Variants in SPA17 observed in about 807,000 individuals in gnomAD.
SPA17 encodes sperm autoantigenic protein 17, also known as sperm surface protein Sp17.
SPA17 carries 7 observed loss-of-function variants against 13.8 expected under a neutral mutation model. That is an observed-to-expected ratio of 0.51 (90% confidence interval 0.29 to 0.95). SPA17 has a LOEUF of 0.95. SPA17 is among the 40% of genes least tolerant of loss of function. The pLI, the probability that SPA17 is intolerant of heterozygous loss-of-function variation, is 0.08. For synonymous variants in SPA17, 61 were observed against 59.0 expected, an observed-to-expected ratio of 1.03 and a Z score of -0.16; for missense variants, 170 against 179.3, an observed-to-expected ratio of 0.95 and a Z score of 0.30.
intron 2 of SPA17, among the ~76,000 whole-genome samples, chr11:124,676,467 TG>T (rs1259158998): frequency 6.6e-6 from 1 of 152,216 alleles, no homozygotes; most frequent in Non-Finnish European, 1.5e-5. Flanking sequence ...CATTTTATAG[TG>T]GAAGAAAACC....
intron 2 of SPA17, among the ~76,000 whole-genome samples, chr11:124,680,879 A>G (rs1345518700): frequency 6.6e-6 from 1 of 152,068 alleles, no homozygotes; most frequent in African/African-American, 2.4e-5. Context: ...CTACTTTTTA[A>G]GTATTGAAAT....
In SPA17 at chr11:124,696,405, A is replaced by G. The variant is rs1013626713; in HGVS notation, c.*1959A>G. 8 of 152,228 alleles carry G rather than the reference A, an allele frequency of 5.3e-5. No homozygotes were observed. Among genetic ancestry groups the G allele is most frequent in the East Asian group, 1.9e-4 (1 of 5,184 alleles). The allele number at this position is 152,228 out of a possible 1,614,324, so 9.4% of individuals were successfully genotyped here. On this transcript the variant is annotated 3_prime_UTR_variant, in exon 5 of 5. Transcript: ENST00000227135. ...TTCCCTAGTGAGTATATAGCAGGAA[A>G]AAAAAAAAAGATGAGTTAGCTTTTT...
intron 3 of SPA17, among the ~76,000 whole-genome samples, chr11:124,686,239 C>A (rs1206560598): frequency 6.6e-6 from 1 of 151,836 alleles, no homozygotes; most frequent in Non-Finnish European, 1.5e-5. Flanking sequence ...GCCCCACTCT[C>A]ATTCTCTCTC....
chr11:124,694,137 G>A (rs1943650692), intron 4 of SPA17, 166 bp from the exon 5 acceptor site: 1 of 723,810 alleles, frequency 1.4e-6, no homozygotes. Context: ...TTTGGCATTT[G>A]CCATTTGGTA....
At chr11:124,679,464 A>G (rs897475711) in intron 2 of SPA17, among the ~76,000 whole-genome samples, 5 of 152,204 alleles carry the variant, frequency 3.3e-5, no homozygotes, top group African/African-American at 1.2e-4. Flanking sequence ...TGGTGCAGGA[A>G]AAACAACATA....
At position 124,675,338 on chromosome 11, in the gene SPA17, G is replaced by A. The variant is rs144340747; in HGVS notation, c.74G>A (p.Arg25His). 6.2e-7 allele frequency: 1 copy of A among 1,614,158 alleles called. No homozygotes were observed. Among genetic ancestry groups the A allele is most frequent in the Non-Finnish European group, 8.5e-7 (1 of 1,180,036 alleles). The change falls in exon 2 of 5, where the codon CGC becomes CAC. Residue 25 changes from arginine to histidine, a missense_variant. Coordinates refer to ENST00000227135, the MANE Select transcript of SPA17 (RefSeq NM_017425.4). The part of the protein sequence containing the change: ...GFGNLLEGLT[R>H]EILREQPDNI... ...GGGAATCTTCTTGAAGGGCTGACAC[G>A]CGAGATTCTGAGAGAGCAACCGGAC...
At chr11:124,674,884 A>G (rs1328010980) in intron 1 of SPA17, 3 of 151,534 alleles carry the variant, frequency 2.0e-5, no homozygotes, top group Non-Finnish European at 2.8e-5. Flanking sequence ...GCAATTGACA[A>G]TGAATTTAAC....
rs561324591 is a variant in SPA17 at position 124,690,626 on chromosome 11, AAAAG to A, written c.226-1067_226-1064del. 6.0e-4 allele frequency among the ~76,000 whole-genome samples: 92 copies of A among 152,352 alleles called. 1 individual carries two copies. In the South Asian group the frequency reaches 0.018, roughly 30 times the overall value. On this transcript the variant is annotated intron_variant, in intron 3 of 4. Coordinates refer to ENST00000227135, the MANE Select transcript of SPA17 (RefSeq NM_017425.4). Reference sequence around the variant, plus strand: ...CATAAATTTGTACAAATATAAAAGAAAAAGAAGAAATTCAAAGTATTGGGCCCCA... The same window carrying A: ...CATAAATTTGTACAAATATAAAAGAAAAGAAATTCAAAGTATTGGGCCCCA...
chr11:124,688,225 C>T (rs1943593757), intron 3 of SPA17, among the ~76,000 whole-genome samples: 1 of 152,200 alleles, frequency 6.6e-6, no homozygotes, highest in Admixed American at 6.5e-5. Context: ...GTTGTCCAGG[C>T]AGGTCTCAAA....
chr11:124,697,406 G>A lies in SPA17; in HGVS notation c.*2960G>A, dbSNP rs761570250. ...GCAGCACAGTGCCTCTGCTTCACGT[G>A]TCCTTTTCTGAGCCCCTGCTGAAAG... On this transcript the variant is annotated 3_prime_UTR_variant, in exon 5 of 5. Transcript: ENST00000227135. The A allele has an allele frequency of 2.0e-5, 3 of 152,184 alleles. No individual in the cohort carries two copies. Among genetic ancestry groups the A allele is most frequent in the Non-Finnish European group, 4.4e-5 (3 of 68,054 alleles). 9.4% of individuals were successfully genotyped at this position (152,184 alleles called of 1,614,324 possible). A position where few individuals can be genotyped will look rare whatever the true frequency, so the allele number is the denominator to read the frequency against.
intron 2 of SPA17, among the ~76,000 whole-genome samples, chr11:124,681,092 A>G (rs1286331200): frequency 6.6e-6 from 1 of 152,062 alleles, no homozygotes; most frequent in East Asian, 1.9e-4. Context: ...ATTTATATTT[A>G]AGTACTGGCA....
At position 124,696,393 on chromosome 11, in the gene SPA17, A is replaced by G. The variant is rs1335961583; in HGVS notation, c.*1947A>G. The G allele has an allele frequency of 1.3e-5, 2 of 151,572 alleles. No homozygotes were observed. The highest frequency in any genetic ancestry group is 2.9e-5 in the Non-Finnish European group (2 of 68,000). The allele number at this position is 151,572 out of a possible 1,614,324, so 9.4% of individuals were successfully genotyped here. On this transcript the variant is annotated 3_prime_UTR_variant, in exon 5 of 5. Transcript: ENST00000227135. ...AAAAGGGATTTTTTCCCTAGTGAGT[A>G]TATAGCAGGAAAAAAAAAAAAGATG...
chr11:124,683,003 G>A (rs771143449), intron 3 of SPA17, among the ~76,000 whole-genome samples: 2 of 152,054 alleles, frequency 1.3e-5, no homozygotes, highest in African/African-American at 4.8e-5. Flanking sequence ...CTCATCAACT[G>A]TGAGGGAAAC....
Position 124,691,684 on chromosome 11 carries a change from C to G in SPA17, c.226-12C>G. ...AAACATTGCTAATTGTGGCTCTCTC[C>G]TATCTGTCCAGGAGCAAGAACCACC... is the stretch of plus-strand genomic sequence containing the variant. On this transcript the variant is annotated splice_polypyrimidine_tract_variant and intron_variant, in intron 3 of 4. Coordinates refer to ENST00000227135, the MANE Select transcript of SPA17 (RefSeq NM_017425.4). 6.3e-7 allele frequency: 1 copy of G among 1,587,908 alleles called. No individual in the cohort carries two copies. Among genetic ancestry groups the G allele is most frequent in the Non-Finnish European group, 8.6e-7 (1 of 1,167,200 alleles).
At chr11:124,678,183 C>T (rs561919552) in intron 2 of SPA17, among the ~76,000 whole-genome samples, 1 of 152,276 alleles carries the variant, frequency 6.6e-6, no homozygotes, top group East Asian at 1.9e-4. Context: ...AGTGAACAAA[C>T]TATAATACAT....
chr11:124,676,632 A>G (rs899526061), intron 2 of SPA17, among the ~76,000 whole-genome samples: 5 of 152,236 alleles, frequency 3.3e-5, no homozygotes, highest in Non-Finnish European at 7.3e-5. Flanking sequence ...TATCTGTTGC[A>G]CAATCTGAAA....
chr11:124,695,259 C>T lies in SPA17; in HGVS notation c.*813C>T, dbSNP rs997443473. The T allele has an allele frequency of 1.3e-5, 2 of 152,226 alleles. No homozygotes were observed. Among genetic ancestry groups the T allele is most frequent in the African/African-American group, 4.8e-5 (2 of 41,462 alleles). The allele number at this position is 152,226 out of a possible 1,614,324, so 9.4% of individuals were successfully genotyped here. A position where few individuals can be genotyped will look rare whatever the true frequency, so the allele number is the denominator to read the frequency against. Reference sequence around the variant, plus strand: ...AGTAGTGAATACTTGTTCTTACACTCATACAACTTACAATGCTTTATTGTT... The same window carrying T: ...AGTAGTGAATACTTGTTCTTACACTTATACAACTTACAATGCTTTATTGTT... On this transcript the variant is annotated 3_prime_UTR_variant, in exon 5 of 5. Transcript: ENST00000227135.
intron 3 of SPA17, among the ~76,000 whole-genome samples, chr11:124,686,909 G>C (rs998155220): frequency 6.6e-6 from 1 of 151,946 alleles, no homozygotes; most frequent in Non-Finnish European, 1.5e-5. Flanking sequence ...AAGAACAAAC[G>C]AAACAGTAGC....
rs1288849113 is a variant in SPA17, at chr11:124,695,994, C to T, written c.*1548C>T. 2 of 152,224 alleles carry T rather than the reference C, an allele frequency of 1.3e-5. No homozygotes were observed. Among genetic ancestry groups the T allele is most frequent in the Non-Finnish European group, 2.9e-5 (2 of 68,048 alleles). 9.4% of individuals were successfully genotyped at this position (152,224 alleles called of 1,614,324 possible). A position where few individuals can be genotyped will look rare whatever the true frequency, so the allele number is the denominator to read the frequency against. On this transcript the variant is annotated 3_prime_UTR_variant, in exon 5 of 5. Coordinates refer to ENST00000227135, the MANE Select transcript of SPA17 (RefSeq NM_017425.4). ...CAACAGAGGTTCCCCCAAGTGATCG[C>T]CACTCAAACACAGTTGATTCACACC...
Sources: allele counts gnomAD v4.1 joint callset (sites outside exome capture counted in the v4.1 genomes callset), GRCh38; gene constraint gnomAD v4.1.1; transcripts MANE v1.5; gene names NCBI Gene and HGNC (gene_info 2026-07-23, HGNC 2026-07-21).